The following CDKL5 variants were observed in gnomAD, a reference collection of about 807,000 sequenced individuals.
CDKL5 encodes cyclin dependent kinase like 5.
CDKL5 carries 8 observed loss-of-function variants against 61.7 expected under a neutral mutation model. The observed-to-expected ratio is 0.13, with a 90% CI of 0.08 to 0.23. CDKL5 has a LOEUF of 0.23. CDKL5 is among the 10% of genes least tolerant of loss of function. The probability of loss-of-function intolerance (pLI) is 1.00; values close to 1 mark genes in which losing one functional copy is unlikely to be tolerated. For missense variants in CDKL5, 440 were observed against 734.5 expected (o/e 0.60, Z 4.63); for synonymous variants, 275 against 272.3 (o/e 1.01, Z -0.10).
chrX:18,468,681 CAA>C (rs1920986331), intron 1 of CDKL5, among the ~76,000 whole-genome samples: 1 of 111,999 alleles, frequency 8.9e-6, no homozygotes, highest in Admixed American at 9.5e-5. Context: ...TTTTGTAAAA[CAA>C]GAGTTCTTTT....
intron 1 of CDKL5, among the ~76,000 whole-genome samples, chrX:18,489,359 C>G (rs1382539444): frequency 9.1e-6 from 1 of 110,368 alleles, no homozygotes; most frequent in African/African-American, 3.3e-5. Context: ...CGGGGTTTCT[C>G]CATGTTGGCC....
intron 5 of CDKL5, 121 bp from the exon 6 acceptor site, chrX:18,579,727 A>G: frequency 2.9e-6 from 2 of 686,443 alleles, no homozygotes; most frequent in Non-Finnish European, 4.5e-6. Flanking sequence ...GATAGAAAGC[A>G]AAACAATTAA....
chrX:18,438,238 G>C, intron 1 of CDKL5, among the ~76,000 whole-genome samples: 2 of 109,317 alleles, frequency 1.8e-5, no homozygotes, highest in East Asian at 6.0e-4. Flanking sequence ...GCTAAGTTTT[G>C]TATTTTTAGT....
In CDKL5 at chrX:18,635,629, C is replaced by T; in HGVS notation, c.*6872C>T. ...TTCCTATTTATAAAGCTTTTTTCCC[C>T]TTACGGCATTTTGAAAACTTTGGTT... is the stretch of plus-strand genomic sequence containing the variant. On this transcript the variant is annotated 3_prime_UTR_variant, in exon 18 of 18. Coordinates refer to ENST00000623535, the MANE Select transcript of CDKL5 (RefSeq NM_001323289.2). The T allele has an allele frequency of 2.1e-5, 16 of 752,313 alleles. No individual in the cohort carries two copies. The highest frequency in any genetic ancestry group is 2.5e-5 in the Non-Finnish European group (16 of 637,530). The allele number at this position is 752,313 out of a possible 1,213,427, so 62.0% of individuals were successfully genotyped here. A position where few individuals can be genotyped will look rare whatever the true frequency, so the allele number is the denominator to read the frequency against.
At chrX:18,553,912 T>C (rs894196842) in intron 3 of CDKL5, among the ~76,000 whole-genome samples, 4 of 111,434 alleles carry the variant, frequency 3.6e-5, no homozygotes, top group African/African-American at 1.3e-4. Flanking sequence ...CTTGTAATGC[T>C]TTCTAAATTA....
chrX:18,500,483 G>C (rs1357818395), intron 1 of CDKL5, among the ~76,000 whole-genome samples: 1 of 111,472 alleles, frequency 9.0e-6, no homozygotes, highest in Non-Finnish European at 1.9e-5. Flanking sequence ...AATAGTTTTG[G>C]GTGGTTTGGA....
chrX:18,504,353 G>C (rs1334204233), intron 1 of CDKL5, among the ~76,000 whole-genome samples: 1 of 111,423 alleles, frequency 9.0e-6, no homozygotes, highest in Non-Finnish European at 1.9e-5. Flanking sequence ...CGATCCTTCT[G>C]CCTTGGCTTC....
chrX:18,647,596 T>G, intron 20 of CDKL5: 1 of 371,830 alleles, frequency 2.7e-6, no homozygotes, highest in Non-Finnish European at 4.7e-6. Context: ...TATGGCAACT[T>G]CACAAGGGGT....
At chrX:18,644,229 G>C (rs1014154398), downstream of CDKL5, among the ~76,000 whole-genome samples, 4 of 111,760 alleles carry the variant, frequency 3.6e-5, no homozygotes, top group African/African-American at 9.8e-5. Context: ...CTTAAGAATA[G>C]CATTCATTTG....
At chrX:18,533,207 C>A (rs982286603) in intron 3 of CDKL5, among the ~76,000 whole-genome samples, 1 of 111,389 alleles carries the variant, frequency 9.0e-6, no homozygotes, top group Non-Finnish European at 1.9e-5. Flanking sequence ...TAGCTGTGGC[C>A]CATTTTACAA....
chrX:18,521,437 T>C lies in CDKL5; in HGVS notation c.99+10583T>C, dbSNP rs367679042. ...TTTTTAAAACCATTGCCGAATCCAA[T>C]GTCATGAAGATTTATGGCTGTCTTT... On this transcript the variant is annotated intron_variant, in intron 3 of 17. Coordinates refer to ENST00000623535, the MANE Select transcript of CDKL5 (RefSeq NM_001323289.2). 8.9e-5 allele frequency among the ~76,000 whole-genome samples: 10 copies of C among 111,857 alleles called. No homozygotes were observed. In the East Asian group the frequency reaches 2.0e-3, roughly 22 times the overall value.
In CDKL5 at chrX:18,457,495, C is replaced by T. The variant is rs200511342; in HGVS notation, c.-163+31800C>T. On this transcript the variant is annotated intron_variant, in intron 1 of 17. Transcript: ENST00000623535. The stretch of plus-strand genomic sequence containing the variant: ...TCATTTTCCACAGGCTGCTCATCTT[C>T]AAGGGGAAAACATGGCTACTGGATT... 7.1e-5 allele frequency: 8 copies of T among 111,898 alleles called. No individual in the cohort carries two copies. In the East Asian group the frequency reaches 2.3e-3, roughly 32 times the overall value. The allele number at this position is 111,898 out of a possible 1,213,427, so 9.2% of individuals were successfully genotyped here.
At position 18,651,089 on chromosome X, in the gene CDKL5, C is replaced by T. The variant is rs185249753; in HGVS notation, c.2980+497C>T. 1.2e-3 allele frequency among the ~76,000 whole-genome samples: 135 copies of T among 109,805 alleles called. 1 individual carries two copies. Among genetic ancestry groups the T allele is most frequent in the African/African-American group, 4.0e-3 (122 of 30,135 alleles). ...GGAGGAAATCCATTGCCCCTCTATC[C>T]TACTCTGTTCTGTCCCCATTACCCT... On this transcript the variant is annotated intron_variant, in intron 21 of 21. Transcript: ENST00000379989.
intron 1 of CDKL5, among the ~76,000 whole-genome samples, chrX:18,448,937 C>A (rs1318542261): frequency 8.9e-6 from 1 of 112,012 alleles, no homozygotes; most frequent in African/African-American, 3.2e-5. Context: ...CTCACTGCAA[C>A]CTCTGCCTCC....
At chrX:18,515,095 C>T (rs1230781692) in intron 3 of CDKL5, among the ~76,000 whole-genome samples, 1 of 112,523 alleles carries the variant, frequency 8.9e-6, no homozygotes, top group East Asian at 2.8e-4. Flanking sequence ...CCACCGCGCC[C>T]AGCCTCGTGT....
chrX:18,651,308 A>C (rs1928038257), intron 21 of CDKL5, among the ~76,000 whole-genome samples: 1 of 109,317 alleles, frequency 9.1e-6, no homozygotes, highest in Admixed American at 9.9e-5. Flanking sequence ...ACAGAGAGAG[A>C]CAGAGAGGGA....
intron 1 of CDKL5, among the ~76,000 whole-genome samples, chrX:18,454,359 C>A (rs1455796381): frequency 1.9e-5 from 2 of 107,761 alleles, no homozygotes; most frequent in Non-Finnish European, 3.8e-5. Context: ...GTGTCAACCT[C>A]CCGAGTAGCT....
At chrX:18,547,024 C>T (rs182289102) in intron 3 of CDKL5, among the ~76,000 whole-genome samples, 24 of 112,098 alleles carry the variant, frequency 2.1e-4, no homozygotes, top group Admixed American at 1.7e-3. Context: ...ATTGAATTGT[C>T]TGTTTTGTTA....
chrX:18,516,798 G>T (rs1412075697), intron 3 of CDKL5, among the ~76,000 whole-genome samples: 1 of 111,766 alleles, frequency 8.9e-6, no homozygotes, highest in Non-Finnish European at 1.9e-5. Flanking sequence ...GTCCAATGGC[G>T]CTATCTCGGC....
Sources: allele counts gnomAD v4.1 joint callset (sites outside exome capture counted in the v4.1 genomes callset), GRCh38; gene constraint gnomAD v4.1.1; transcripts MANE v1.5; gene names NCBI Gene and HGNC (gene_info 2026-07-23, HGNC 2026-07-21).